ZBTB25: variants seen among roughly 807,000 people sequenced by gnomAD.
ZBTB25 encodes the protein zinc finger and BTB domain-containing protein 25.
In ZBTB25, 20 loss-of-function variants were observed where a neutral mutation model predicts 34.2. The observed-to-expected ratio is 0.58, with a 90% CI of 0.41 to 0.85. ZBTB25 has a LOEUF of 0.85. Among genes scored for constraint, ZBTB25 ranks in the 40% least tolerant of loss-of-function variants. The pLI is 0.00. For missense variants in ZBTB25, 437 were observed against 521.8 expected (o/e 0.84, Z 1.58); for synonymous variants, 175 against 186.4 (o/e 0.94, Z 0.50).
At chr14:64,502,681 G>A in intron 1 of ZBTB25, 1 of 985,534 alleles carries the variant, frequency 1.0e-6, no homozygotes, top group Non-Finnish European at 1.2e-6. Context: ...CTACAGGTGA[G>A]TGGGGTAAAC....
At chr14:64,477,723 AT>A (rs869099726), downstream of ZBTB25, among the ~76,000 whole-genome samples, 1 of 151,808 alleles carries the variant, frequency 6.6e-6, no homozygotes, top group African/African-American at 2.4e-5. Flanking sequence ...TCAAAAAAAA[AT>A]TTTTTTTTAA....
intron 2 of ZBTB25, chr14:64,472,733 T>G (rs1022834925): frequency 6.0e-6 from 1 of 166,798 alleles, no homozygotes; most frequent in South Asian, 2.1e-4. Flanking sequence ...ATTGTTTTAT[T>G]GTTATAGAAA....
At chr14:64,499,173 C>T (rs189900925) in intron 1 of ZBTB25, among the ~76,000 whole-genome samples, 10 of 152,198 alleles carry the variant, frequency 6.6e-5, no homozygotes, top group African/African-American at 2.2e-4. Flanking sequence ...TAAACAATTC[C>T]GTAAGAGTGT....
Position 64,484,535 on chromosome 14 carries a change from G to C in ZBTB25, c.*2388C>G, listed in dbSNP as rs533788036. 1.2e-4 allele frequency: 19 copies of C among 152,320 alleles called. No individual in the cohort carries two copies. The highest frequency in any genetic ancestry group is 4.3e-4 in the African/African-American group (18 of 41,542). The allele number at this position is 152,320 out of a possible 1,614,324, so 9.4% of individuals were successfully genotyped here. A position where few individuals can be genotyped will look rare whatever the true frequency, so the allele number is the denominator to read the frequency against. ...TGTCTCTGCTAAAAACACAAAATTA[G>C]CTGGGTATGGTGGTGCATGCCTGTA... On this transcript the variant is annotated 3_prime_UTR_variant, in exon 3 of 3. Coordinates refer to ENST00000608382, the MANE Select transcript of ZBTB25 (RefSeq NM_006977.5).
intron 2 of ZBTB25, among the ~76,000 whole-genome samples, chr14:64,455,455 AAAG>A (rs1213244571): frequency 5.3e-5 from 8 of 152,206 alleles, no homozygotes; most frequent in African/African-American, 1.7e-4. Context: ...ATGCATATTC[AAAG>A]AAGAATATTG....
chr14:64,476,574 G>C (rs2078721587), downstream of ZBTB25, among the ~76,000 whole-genome samples: 1 of 152,148 alleles, frequency 6.6e-6, no homozygotes, highest in South Asian at 2.1e-4. Flanking sequence ...ACCTGCCTCA[G>C]CCTCCCAAAG....
Position 64,486,876 on chromosome 14 carries a change from A to T in ZBTB25, c.*47T>A. On this transcript the variant is annotated 3_prime_UTR_variant, in exon 3 of 3. Transcript: ENST00000608382. ...AATTTATGAATTAAAAATGCCACGCAAATTTTCTTTTTCAGAATTGGTATA... is the reference window on the plus strand; with the variant it reads ...AATTTATGAATTAAAAATGCCACGCTAATTTTCTTTTTCAGAATTGGTATA... 6.6e-7 allele frequency: 1 copy of T among 1,523,702 alleles called. No individual in the cohort carries two copies. Among genetic ancestry groups the T allele is most frequent in the Non-Finnish European group, 8.8e-7 (1 of 1,139,094 alleles). 94.4% of individuals were successfully genotyped at this position (1,523,702 alleles called of 1,614,324 possible).
intron 2 of ZBTB25, among the ~76,000 whole-genome samples, chr14:64,454,484 G>A (rs1384487423): frequency 2.0e-5 from 3 of 151,460 alleles, no homozygotes; most frequent in African/African-American, 4.9e-5. Context: ...TTCCATAGAT[G>A]GAAATAAAAT....
At chr14:64,458,449 G>T in intron 2 of ZBTB25, 1 of 714,272 alleles carries the variant, frequency 1.4e-6, no homozygotes, top group Non-Finnish European at 2.6e-6. Context: ...GGGGAGAGGG[G>T]ATAGTAATGA....
At chr14:64,498,210 T>C (rs2079345728) in intron 1 of ZBTB25, among the ~76,000 whole-genome samples, 1 of 152,184 alleles carries the variant, frequency 6.6e-6, no homozygotes, top group African/African-American at 2.4e-5. Context: ...TTGCTGACTA[T>C]ACTGTAAAAC....
At chr14:64,458,176 C>T (rs768242943) in intron 2 of ZBTB25, 6 of 1,466,590 alleles carry the variant, frequency 4.1e-6, no homozygotes, top group East Asian at 2.3e-5. Context: ...CCACTGTGCC[C>T]AGCATTAGTT....
intron 1 of ZBTB25, among the ~76,000 whole-genome samples, chr14:64,492,396 G>A (rs1210672530): frequency 2.0e-5 from 3 of 151,652 alleles, no homozygotes; most frequent in South Asian, 2.1e-4. Context: ...TAGTAGAGAC[G>A]GGAGTTCACC....
Position 64,485,771 on chromosome 14 carries a change from T to C in ZBTB25, c.*1152A>G. The C allele has an allele frequency of 2.0e-6, 2 of 985,384 alleles. No homozygotes were observed. The highest frequency in any genetic ancestry group is 2.4e-6 in the Non-Finnish European group (2 of 829,922). The allele number at this position is 985,384 out of a possible 1,614,324, so 61.0% of individuals were successfully genotyped here. A position where few individuals can be genotyped will look rare whatever the true frequency, so the allele number is the denominator to read the frequency against. The stretch of plus-strand genomic sequence containing the variant: ...AATCCTGACGCTGAGGGTAGAAACA[T>C]GATTTATATTTTATCATCATTCTCT... On this transcript the variant is annotated 3_prime_UTR_variant, in exon 3 of 3. Transcript: ENST00000608382.
At position 64,499,919 on chromosome 14, in the gene ZBTB25, T is replaced by C. The variant is rs74056438; in HGVS notation, c.-8+3742A>G. Among the ~76,000 whole-genome samples the C allele has an allele frequency of 5.3e-3, 814 of 152,322 alleles. 9 individuals carry two copies. The highest frequency in any genetic ancestry group is 0.019 in the African/African-American group (783 of 41,566). On this transcript the variant is annotated intron_variant, in intron 1 of 2. Coordinates refer to ENST00000608382, the MANE Select transcript of ZBTB25 (RefSeq NM_006977.5). ...AACCTTTAATGGAACTGGGAAACGT[T>C]AGTTTGGGGCCTCCTGCCTGTTGGC...
intron 2 of ZBTB25, chr14:64,467,097 A>G (rs1566586228): frequency 6.6e-6 from 1 of 152,242 alleles, no homozygotes; most frequent in Non-Finnish European, 1.5e-5. Flanking sequence ...ACCATTAATC[A>G]ATTTTTTAAT....
Position 64,485,452 on chromosome 14 carries a change from G to A in ZBTB25, c.*1471C>T. 1 of 985,304 alleles carries A rather than the reference G, an allele frequency of 1.0e-6. No homozygotes were observed. Among genetic ancestry groups the A allele is most frequent in the South Asian group, 4.7e-5 (1 of 21,290 alleles). The allele number at this position is 985,304 out of a possible 1,614,324, so 61.0% of individuals were successfully genotyped here. A position where few individuals can be genotyped will look rare whatever the true frequency, so the allele number is the denominator to read the frequency against. ...GAAACAATTTAGATCTATCCTTTGT[G>A]GTGAAGCTTAACCAGCTATTTCCCA... is the stretch of plus-strand genomic sequence containing the variant. On this transcript the variant is annotated 3_prime_UTR_variant, in exon 3 of 3. Transcript: ENST00000608382.
At chr14:64,488,643 G>T (rs1323935608) in intron 2 of ZBTB25, among the ~76,000 whole-genome samples, 1 of 152,178 alleles carries the variant, frequency 6.6e-6, no homozygotes, top group Non-Finnish European at 1.5e-5. Flanking sequence ...AAAATATCAT[G>T]CTAAGTAAAA....
intron 2 of ZBTB25, chr14:64,460,916 C>T (rs1424043463): frequency 3.9e-5 from 6 of 152,108 alleles, no homozygotes; most frequent in African/African-American, 1.4e-4. Flanking sequence ...ACCCCAGGTA[C>T]TTGGGAGGCT....
chr14:64,452,467 A>C (rs1017207829), intron 2 of ZBTB25, among the ~76,000 whole-genome samples: 5 of 152,188 alleles, frequency 3.3e-5, no homozygotes, highest in African/African-American at 1.2e-4. Flanking sequence ...TAATGCCCTG[A>C]ACTAGTCTAC....
Sources: allele counts gnomAD v4.1 joint callset (sites outside exome capture counted in the v4.1 genomes callset), GRCh38; gene constraint gnomAD v4.1.1; transcripts MANE v1.5; gene names NCBI Gene and HGNC (gene_info 2026-07-23, HGNC 2026-07-21).